Variants in PTGFR observed in about 807,000 individuals in gnomAD.
PTGFR encodes prostaglandin F receptor, also known as prostaglandin F2-alpha receptor.
PTGFR carries 15 observed loss-of-function variants against 26.2 expected under a neutral mutation model. That is an observed-to-expected ratio of 0.57 (90% CI 0.38 to 0.88). The LOEUF is 0.88. Ranked by LOEUF, PTGFR falls within the 40% of genes least tolerant of loss-of-function variation. PTGFR has a pLI of 0.00. For synonymous variants in PTGFR, 165 were observed against 151.1 expected (o/e 1.09, Z -0.68); for missense variants, 369 against 427.2 (o/e 0.86, Z 1.20).
rs1249160424 is a variant in PTGFR, at chr1:78,537,940, G to A, written c.*1253G>A. 1.3e-5 allele frequency: 2 copies of A among 152,098 alleles called. No individual in the cohort carries two copies. The highest frequency in any genetic ancestry group is 4.8e-5 in the African/African-American group (2 of 41,442). The allele number at this position is 152,098 out of a possible 1,614,324, so 9.4% of individuals were successfully genotyped here. ...CATTCAAATTGTCCTAGGTCTATCA[G>A]AAATTAGGGAAGGTAGTCCTGCTTT... is the stretch of plus-strand genomic sequence containing the variant. On this transcript the variant is annotated 3_prime_UTR_variant, in exon 3 of 3. Coordinates refer to ENST00000370757, the MANE Select transcript of PTGFR (RefSeq NM_000959.4).
chr1:78,539,529 C>T lies in PTGFR; in HGVS notation c.*2842C>T, dbSNP rs2100411416. 6.6e-6 allele frequency: 1 copy of T among 152,516 alleles called. No individual in the cohort carries two copies. The highest frequency in any genetic ancestry group is 2.4e-5 in the African/African-American group (1 of 41,542). The allele number at this position is 152,516 out of a possible 1,614,324, so 9.4% of individuals were successfully genotyped here. On this transcript the variant is annotated 3_prime_UTR_variant, in exon 3 of 3. Transcript: ENST00000370757. ...CCACCTGGTAAATAATGTTGGACTT[C>T]AACTTGTTACTGGCACATTTTAATA...
chr1:78,531,465 G>T (rs1302056450), intron 2 of PTGFR, among the ~76,000 whole-genome samples: 1 of 151,980 alleles, frequency 6.6e-6, no homozygotes, highest in African/African-American at 2.4e-5. Flanking sequence ...AGGCTTATGG[G>T]GAGATGTAAG....
chr1:78,519,539 T>C (rs1650174201), intron 2 of PTGFR, among the ~76,000 whole-genome samples: 1 of 152,120 alleles, frequency 6.6e-6, no homozygotes, highest in South Asian at 2.1e-4. Context: ...AATTCAGTAG[T>C]AACGTATGAA....
rs1396520903 is a variant in PTGFR at position 78,517,728 on chromosome 1, T to C, written c.799-18678T>C. ...AGATTGTGTAGGATTTTGGAAGCCA[T>C]GGTGAGTTTCAATTAAAATTGTTTT... On this transcript the variant is annotated intron_variant, in intron 2 of 2. Transcript: ENST00000370757. 2.0e-5 allele frequency among the ~76,000 whole-genome samples: 3 copies of C among 152,220 alleles called. No individual in the cohort carries two copies. The East Asian group carries it at 5.8e-4, about 29-fold the overall frequency.
At chr1:78,505,801 C>T (rs1268816788) in intron 2 of PTGFR, among the ~76,000 whole-genome samples, 2 of 152,172 alleles carry the variant, frequency 1.3e-5, no homozygotes, top group Admixed American at 1.3e-4. Flanking sequence ...CCTTTTGTGT[C>T]TGGCTTCTTT....
intron 2 of PTGFR, among the ~76,000 whole-genome samples, chr1:78,507,769 G>A (rs1649862144): frequency 6.6e-6 from 1 of 152,090 alleles, no homozygotes; most frequent in African/African-American, 2.4e-5. Context: ...TATTTTGATT[G>A]ATTTCTAGAT....
At chr1:78,495,906 C>T (rs1006471408) in intron 2 of PTGFR, among the ~76,000 whole-genome samples, 2 of 152,180 alleles carry the variant, frequency 1.3e-5, no homozygotes, top group African/African-American at 4.8e-5. Flanking sequence ...TTTCTGAGGT[C>T]CACTTTCTCT....
At position 78,536,664 on chromosome 1, in the gene PTGFR, G is replaced by T. The variant is rs770895027; in HGVS notation, c.1057G>T (p.Ala353Ser). Residue 353 changes from alanine to serine, a missense_variant, in exon 3 of 3, where the codon GCA becomes TCA. Physicochemically the swap from Ala to Ser is moderately conservative, Grantham distance 99 (BLOSUM62 1). Coordinates refer to ENST00000370757, the MANE Select transcript of PTGFR (RefSeq NM_000959.4). ...KVAAISESPV[A>S]EKSAST is the part of the protein sequence containing the mutation. Reference sequence around the variant, plus strand: ...TGCTGCTATTTCTGAGTCACCAGTTGCAGAGAAATCAGCAAGCACCTAGCT... The same window carrying T: ...TGCTGCTATTTCTGAGTCACCAGTTTCAGAGAAATCAGCAAGCACCTAGCT... 1.2e-6 allele frequency: 2 copies of T among 1,612,430 alleles called. No homozygotes were observed. Among genetic ancestry groups the T allele is most frequent in the Non-Finnish European group, 1.7e-6 (2 of 1,179,262 alleles).
At chr1:78,527,040 C>T (rs1650390365) in intron 2 of PTGFR, among the ~76,000 whole-genome samples, 1 of 152,010 alleles carries the variant, frequency 6.6e-6, no homozygotes, top group African/African-American at 2.4e-5. Flanking sequence ...TATACATTAC[C>T]ACAAGACATG....
rs1049212769 is a variant in PTGFR, at chr1:78,534,591, A to G, written c.799-1815A>G. On this transcript the variant is annotated intron_variant, in intron 2 of 2. Coordinates refer to ENST00000370757, the MANE Select transcript of PTGFR (RefSeq NM_000959.4). ...AAAAATTAGTGAATTTGAGACAAAC[A>G]AAATGAGGAAATCAAAAGTCTCTGT... Among the ~76,000 whole-genome samples the G allele has an allele frequency of 2.0e-5, 3 of 152,340 alleles. No individual in the cohort carries two copies. The East Asian group carries it at 5.8e-4, about 29-fold the overall frequency.
intron 2 of PTGFR, among the ~76,000 whole-genome samples, chr1:78,524,863 G>T (rs1316317978): frequency 7.0e-6 from 1 of 143,814 alleles, no homozygotes; most frequent in African/African-American, 2.6e-5. Flanking sequence ...AGGGAAATGT[G>T]GAATAACTTC....
At position 78,536,164 on chromosome 1, in the gene PTGFR, A is replaced by T. The variant is rs189492930; in HGVS notation, c.799-242A>T. ...TGTTCTCCCTTAGGTGATTCTGTTT[A>T]TGCATATTTGACTTACTATAGAAGT... On this transcript the variant is annotated intron_variant, in intron 2 of 2. Coordinates refer to ENST00000370757, the MANE Select transcript of PTGFR (RefSeq NM_000959.4). Among the ~76,000 whole-genome samples, 88 of 152,260 alleles carry T rather than the reference A, an allele frequency of 5.8e-4. 2 individuals are homozygous for T. The highest frequency in any genetic ancestry group is 5.8e-3 in the Admixed American group (88 of 15,266).
rs764469604 is a variant in PTGFR, at chr1:78,540,595, G to C, written c.*3908G>C. Among the ~76,000 whole-genome samples the C allele has an allele frequency of 1.3e-5, 2 of 152,068 alleles. No homozygotes were observed. Among genetic ancestry groups the C allele is most frequent in the Non-Finnish European group, 2.9e-5 (2 of 67,984 alleles). On this transcript the variant is annotated 3_prime_UTR_variant, in exon 3 of 3. Coordinates refer to ENST00000370757, the MANE Select transcript of PTGFR (RefSeq NM_000959.4). Reference sequence around the variant, plus strand: ...ATATAATAGAAAGAGGGAAATCTTGGTTCTTAAAAATTCAGGCAATTGAAA... The same window carrying C: ...ATATAATAGAAAGAGGGAAATCTTGCTTCTTAAAAATTCAGGCAATTGAAA...
intron 2 of PTGFR, among the ~76,000 whole-genome samples, chr1:78,515,055 T>G (rs1339600086): frequency 6.6e-6 from 1 of 152,180 alleles, no homozygotes; most frequent in African/African-American, 2.4e-5. Flanking sequence ...TATTTTTTTT[T>G]TATAGCAGTG....
chr1:78,530,252 G>A (rs1650471695), intron 2 of PTGFR, among the ~76,000 whole-genome samples: 2 of 152,104 alleles, frequency 1.3e-5, no homozygotes, highest in Admixed American at 6.6e-5. Context: ...TGTTTTGACA[G>A]CCATCCTTCT....
rs886942928 is a variant in PTGFR at position 78,538,199 on chromosome 1, C to T, written c.*1512C>T. 1 of 152,088 alleles carries T rather than the reference C, an allele frequency of 6.6e-6. No homozygotes were observed. Among genetic ancestry groups the T allele is most frequent in the African/African-American group, 2.4e-5 (1 of 41,424 alleles). The allele number at this position is 152,088 out of a possible 1,614,324, so 9.4% of individuals were successfully genotyped here. On this transcript the variant is annotated 3_prime_UTR_variant, in exon 3 of 3. Transcript: ENST00000370757. ...ATATAAGGAACCATTCTCCATCCTT[C>T]CTTATCATGCTGGGTACAATGCTTC...
At chr1:78,512,144 C>T (rs1472565924) in intron 2 of PTGFR, among the ~76,000 whole-genome samples, 1 of 152,178 alleles carries the variant, frequency 6.6e-6, no homozygotes, top group Non-Finnish European at 1.5e-5. Flanking sequence ...CTAACTTTCC[C>T]TCATCTTCCT....
At chr1:78,519,305 G>A (rs1352908014) in intron 2 of PTGFR, among the ~76,000 whole-genome samples, 2 of 152,072 alleles carry the variant, frequency 1.3e-5, no homozygotes, top group East Asian at 3.9e-4. Flanking sequence ...GTTGCCACGT[G>A]TCCTTCGGCA....
Position 78,500,044 on chromosome 1 carries a change from C to T in PTGFR, c.798+6503C>T, listed in dbSNP as rs529391050. 1.5e-3 allele frequency among the ~76,000 whole-genome samples: 232 copies of T among 150,446 alleles called. 3 individuals carry two copies. The highest frequency in any genetic ancestry group is 5.5e-3 in the African/African-American group (225 of 40,716). On this transcript the variant is annotated intron_variant, in intron 2 of 2. Coordinates refer to ENST00000370757, the MANE Select transcript of PTGFR (RefSeq NM_000959.4). Reference sequence around the variant, plus strand: ...CACTGATGTTTTCTCTACAGCCACACATTTTTTTCATAATGTATTTTTTTT... The same window carrying T: ...CACTGATGTTTTCTCTACAGCCACATATTTTTTTCATAATGTATTTTTTTT...
Sources: allele counts gnomAD v4.1 joint callset (sites outside exome capture counted in the v4.1 genomes callset), GRCh38; gene constraint gnomAD v4.1.1; transcripts MANE v1.5; gene names NCBI Gene and HGNC (gene_info 2026-07-23, HGNC 2026-07-21).